ARHGAP15: variants seen among roughly 807,000 people sequenced by gnomAD.
ARHGAP15 encodes rho GTPase-activating protein 15.
Under a neutral mutation model 63.7 loss-of-function variants are expected in ARHGAP15, and 51 were observed. The observed-to-expected ratio is 0.80, with a 90% CI of 0.64 to 1.01. The LOEUF is 1.01. ARHGAP15 is among the 50% of genes least tolerant of loss of function. The probability of loss-of-function intolerance (pLI) is 0.00; values close to 1 mark genes in which losing one functional copy is unlikely to be tolerated. For synonymous variants in ARHGAP15, 191 were observed against 193.8 expected (o/e 0.99, Z 0.12); for missense variants, 560 against 564.6 (o/e 0.99, Z 0.08).
At chr2:143,270,863 G>A (rs973547729) in intron 6 of ARHGAP15, among the ~76,000 whole-genome samples, 2 of 152,018 alleles carry the variant, frequency 1.3e-5, no homozygotes, top group Non-Finnish European at 2.9e-5. Context: ...TCTTCATTCA[G>A]AAAATGTTAG....
At chr2:143,613,372 G>C (rs1574709930) in intron 11 of ARHGAP15, among the ~76,000 whole-genome samples, 2 of 152,124 alleles carry the variant, frequency 1.3e-5, no homozygotes, top group Non-Finnish European at 2.9e-5. Flanking sequence ...CAAATCCCAT[G>C]GTTGATGATA....
chr2:143,585,111 G>A (rs1697061788), intron 11 of ARHGAP15, among the ~76,000 whole-genome samples: 1 of 152,072 alleles, frequency 6.6e-6, no homozygotes, highest in African/African-American at 2.4e-5. Context: ...AATCCCACAG[G>A]AAGTTCACAA....
intron 11 of ARHGAP15, among the ~76,000 whole-genome samples, chr2:143,616,539 G>T (rs566292338): frequency 6.6e-6 from 1 of 152,298 alleles, no homozygotes; most frequent in African/African-American, 2.4e-5. Context: ...AACGTGGCGT[G>T]CCAAAGTAGC....
chr2:143,356,814 T>C (rs1685830427), intron 6 of ARHGAP15, among the ~76,000 whole-genome samples: 1 of 152,168 alleles, frequency 6.6e-6, no homozygotes, highest in East Asian at 1.9e-4. Flanking sequence ...ACAGGCTGTT[T>C]CCTGTGACAA....
At chr2:143,353,205 T>G (rs778323041) in intron 6 of ARHGAP15, among the ~76,000 whole-genome samples, 12 of 152,120 alleles carry the variant, frequency 7.9e-5, no homozygotes, top group Non-Finnish European at 1.5e-4. Context: ...GTCTGAGGAT[T>G]GTAGGGCCCA....
intron 13 of ARHGAP15, among the ~76,000 whole-genome samples, chr2:143,757,690 G>GA (rs1249515279): frequency 6.6e-6 from 1 of 151,764 alleles, no homozygotes; most frequent in East Asian, 1.9e-4. Flanking sequence ...CTGGTTTCCA[G>GA]AAAAAAAGTA....
intron 11 of ARHGAP15, among the ~76,000 whole-genome samples, chr2:143,613,465 C>T (rs2969584): frequency 0.46 from 69,991 of 152,006 alleles, 17,309 homozygotes; most frequent in East Asian, 0.8. Flanking sequence ...ATCCAATTAA[C>T]TGTAATTCCC....
rs1372002852 is a variant in ARHGAP15, at chr2:143,209,391, A to C, written c.235-6993A>C. 2.6e-5 allele frequency among the ~76,000 whole-genome samples: 4 copies of C among 152,142 alleles called. No individual in the cohort carries two copies. The East Asian group carries it at 7.7e-4, about 29-fold the overall frequency. Reference sequence around the variant, plus strand: ...TTTCTCAAGTAAGAGCATGTATATTAATTCAAGTATTTGTTGAGGCCATCA... The same window carrying C: ...TTTCTCAAGTAAGAGCATGTATATTCATTCAAGTATTTGTTGAGGCCATCA... On this transcript the variant is annotated intron_variant, in intron 3 of 13. Coordinates refer to ENST00000295095, the MANE Select transcript of ARHGAP15 (RefSeq NM_018460.4).
chr2:143,365,550 A>G (rs1161335443), intron 6 of ARHGAP15, among the ~76,000 whole-genome samples: 2 of 152,204 alleles, frequency 1.3e-5, no homozygotes, highest in East Asian at 1.9e-4. Context: ...ACCATGATCT[A>G]GCACCAACCA....
At chr2:143,351,465 T>C (rs1163656491) in intron 6 of ARHGAP15, 1 of 152,186 alleles carries the variant, frequency 6.6e-6, no homozygotes, top group Non-Finnish European at 1.5e-5. Context: ...GATATAACAC[T>C]ATAATCAAAT....
intron 6 of ARHGAP15, among the ~76,000 whole-genome samples, chr2:143,434,887 G>A (rs1262306259): frequency 6.6e-6 from 1 of 152,090 alleles, no homozygotes; most frequent in African/African-American, 2.4e-5. Flanking sequence ...AAGATTCACT[G>A]TAATGAAAAA....
At chr2:143,699,260 A>C (rs1164511508) in intron 12 of ARHGAP15, among the ~76,000 whole-genome samples, 1 of 152,174 alleles carries the variant, frequency 6.6e-6, no homozygotes, top group Admixed American at 6.6e-5. Flanking sequence ...GAATGAAAAA[A>C]AACACTGCTT....
intron 11 of ARHGAP15, among the ~76,000 whole-genome samples, chr2:143,583,763 T>C (rs1190341524): frequency 2.0e-5 from 3 of 152,318 alleles, no homozygotes; most frequent in Middle Eastern, 3.4e-3. Flanking sequence ...GAAATAATTG[T>C]GAGTAAATGG....
At chr2:143,223,333 C>T (rs1693072254) in intron 4 of ARHGAP15, among the ~76,000 whole-genome samples, 1 of 152,134 alleles carries the variant, frequency 6.6e-6, no homozygotes, top group East Asian at 1.9e-4. Flanking sequence ...TAGGATCAAA[C>T]CCTTACCTGA....
chr2:143,705,048 C>G (rs948921174), intron 13 of ARHGAP15, among the ~76,000 whole-genome samples: 1 of 152,126 alleles, frequency 6.6e-6, no homozygotes, highest in Non-Finnish European at 1.5e-5. Context: ...TCATATTGCA[C>G]ATATTATTAT....
At position 143,573,844 on chromosome 2, in the gene ARHGAP15, G is replaced by A. The variant is rs192467943; in HGVS notation, c.1003+17359G>A. On this transcript the variant is annotated intron_variant, in intron 11 of 13. Transcript: ENST00000295095. ...TGGAAACGAGTGACAAATCTTTGAT[G>A]TATATATTTCCCCTATCCATGTTTG... Among the ~76,000 whole-genome samples, 325 of 152,144 alleles carry A rather than the reference G, an allele frequency of 2.1e-3. 2 individuals are homozygous for A. Among genetic ancestry groups the A allele is most frequent in the African/African-American group, 7.8e-3 (322 of 41,510 alleles).
At chr2:143,176,648 A>G (rs557599645) in intron 2 of ARHGAP15, among the ~76,000 whole-genome samples, 5 of 152,322 alleles carry the variant, frequency 3.3e-5, no homozygotes, top group African/African-American at 1.2e-4. Context: ...ACTAGTTTAG[A>G]AAAGAAAAAA....
chr2:143,389,990 G>T, intron 6 of ARHGAP15, among the ~76,000 whole-genome samples: 1 of 145,664 alleles, frequency 6.9e-6, no homozygotes, highest in Non-Finnish European at 1.5e-5. Flanking sequence ...AGGGAGCTCA[G>T]ATGAACCAGT....
chr2:143,632,821 C>G (rs933614076), intron 12 of ARHGAP15, among the ~76,000 whole-genome samples: 1 of 152,088 alleles, frequency 6.6e-6, no homozygotes, highest in African/African-American at 2.4e-5. Flanking sequence ...CAAATATTTT[C>G]TTTACTCTTG....
Sources: allele counts gnomAD v4.1 joint callset (sites outside exome capture counted in the v4.1 genomes callset), GRCh38; gene constraint gnomAD v4.1.1; transcripts MANE v1.5; gene names NCBI Gene and HGNC (gene_info 2026-07-23, HGNC 2026-07-21).